The following LPP variants were observed in gnomAD, a reference collection of about 807,000 sequenced individuals.
The protein encoded by LPP is LIM domain containing preferred translocation partner in lipoma.
In LPP, 38 loss-of-function variants were observed where a neutral mutation model predicts 60.4. The ratio of observed to expected loss-of-function variants is 0.63; its 90% confidence interval spans 0.49 to 0.83. The LOEUF (loss-of-function observed/expected upper bound fraction) is 0.83, where lower values mean the gene tolerates loss of function less well. Ranked by LOEUF, LPP falls within the 40% of genes least tolerant of loss-of-function variation. The probability of loss-of-function intolerance (pLI) is 0.00; values close to 1 mark genes in which losing one functional copy is unlikely to be tolerated. For synonymous variants in LPP, 328 were observed against 290.8 expected, an observed-to-expected ratio of 1.13 and a Z score of -1.30; for missense variants, 902 against 783.6, an observed-to-expected ratio of 1.15 and a Z score of -1.80.
chr3:188,222,230 TAAAA>T (rs1484672166), intron 1 of LPP, among the ~76,000 whole-genome samples: 1 of 152,120 alleles, frequency 6.6e-6, no homozygotes, highest in African/African-American at 2.4e-5. Flanking sequence ...TTTCAAATGA[TAAAA>T]TAAATGAGTT....
chr3:188,454,081 A>T (rs746123945), intron 4 of LPP, among the ~76,000 whole-genome samples: 1 of 152,238 alleles, frequency 6.6e-6, no homozygotes. Context: ...TGGCTGTCAT[A>T]AAATTTCTGC....
intron 7 of LPP, among the ~76,000 whole-genome samples, chr3:188,636,748 C>T (rs111998970): frequency 6.6e-6 from 1 of 151,972 alleles, no homozygotes; most frequent in South Asian, 2.1e-4. Flanking sequence ...GGGTCCCTGA[C>T]CCCTGACCCC....
rs1843540951 is a variant in LPP, at chr3:188,610,767, C to T, written c.1113+923C>T. Among the ~76,000 whole-genome samples, 1 of 152,096 alleles carries T rather than the reference C, an allele frequency of 6.6e-6. No homozygotes were observed. The highest frequency in any genetic ancestry group is 1.5e-5 in the Non-Finnish European group (1 of 68,020). Reference sequence around the variant, plus strand: ...ACGATGTTGATTCCTCCCATTATGACTAGAGGAACCAATAAGAATAACTTG... The same window carrying T: ...ACGATGTTGATTCCTCCCATTATGATTAGAGGAACCAATAAGAATAACTTG... On this transcript the variant is annotated intron_variant, in intron 7 of 11. Coordinates refer to ENST00000617246, the MANE Select transcript of LPP (RefSeq NM_001375462.1). The surrounding 1 kb of genome is among the most constrained non-coding windows in gnomAD (Gnocchi z 4.4).
intron 9 of LPP, 87 bp from the exon 10 acceptor site, chr3:188,866,113 G>A: frequency 8.8e-7 from 1 of 1,134,162 alleles, no homozygotes. Flanking sequence ...ATAAGGACCT[G>A]AGACAATCTG....
chr3:188,344,995 G>T (rs1267718933), intron 3 of LPP, among the ~76,000 whole-genome samples: 2 of 152,194 alleles, frequency 1.3e-5, no homozygotes, highest in Non-Finnish European at 2.9e-5. Context: ...AGATCAGAAT[G>T]TCAAAGCCAG....
intron 1 of LPP, among the ~76,000 whole-genome samples, chr3:188,204,993 G>T (rs906540130): frequency 1.3e-5 from 2 of 152,132 alleles, no homozygotes; most frequent in South Asian, 4.1e-4. Context: ...TAAGTGCCAG[G>T]GAGGAAAGAA....
chr3:188,746,731 G>C, intron 8 of LPP: 1 of 302,762 alleles, frequency 3.3e-6, no homozygotes, highest in African/African-American at 2.2e-5. Flanking sequence ...CTAGTTATTA[G>C]GGATTTGGAT....
At chr3:188,565,188 C>G (rs1047225922) in intron 6 of LPP, among the ~76,000 whole-genome samples, 1 of 151,920 alleles carries the variant, frequency 6.6e-6, no homozygotes, top group Non-Finnish European at 1.5e-5. Flanking sequence ...TTACCTGTTA[C>G]AAAACTGTGG....
At chr3:188,872,873 C>T (rs1374892121) in intron 11 of LPP, 110 bp downstream of exon 11, 1 of 1,433,850 alleles carries the variant, frequency 7.0e-7, no homozygotes, top group Non-Finnish European at 9.4e-7. Flanking sequence ...GCCTTAGTGC[C>T]TGTACTCATA....
intron 9 of LPP, among the ~76,000 whole-genome samples, chr3:188,771,061 A>G (rs1735788633): frequency 6.6e-6 from 1 of 152,160 alleles, no homozygotes; most frequent in South Asian, 2.1e-4. Flanking sequence ...TATCTATTAT[A>G]ATATTGTTAG....
At chr3:188,210,404 C>T (rs909944363) in intron 1 of LPP, among the ~76,000 whole-genome samples, 1 of 152,078 alleles carries the variant, frequency 6.6e-6, no homozygotes, top group Admixed American at 6.5e-5. Context: ...CGGGGAGGAA[C>T]CAGATTTCAG....
chr3:188,295,720 G>C (rs1176341263), intron 2 of LPP, among the ~76,000 whole-genome samples: 1 of 152,138 alleles, frequency 6.6e-6, no homozygotes, highest in East Asian at 1.9e-4. Flanking sequence ...TTTCTGTAGA[G>C]ATGGGGTCTT....
chr3:188,386,275 C>A (rs933709412), intron 3 of LPP, among the ~76,000 whole-genome samples: 2 of 145,310 alleles, frequency 1.4e-5, no homozygotes, highest in Non-Finnish European at 3.0e-5. Context: ...CACACACACA[C>A]ACACACACAC....
chr3:188,293,927 G>GT (rs1746909323), intron 2 of LPP, among the ~76,000 whole-genome samples: 1 of 151,754 alleles, frequency 6.6e-6, no homozygotes, highest in Non-Finnish European at 1.5e-5. Flanking sequence ...TCAGTTGGGC[G>GT]TAGTAGTGTG....
At chr3:188,292,067 A>G (rs933573795) in intron 2 of LPP, among the ~76,000 whole-genome samples, 3 of 152,252 alleles carry the variant, frequency 2.0e-5, no homozygotes, top group African/African-American at 4.8e-5. Flanking sequence ...AAGTTTAAAC[A>G]GCAATGAGTC....
intron 9 of LPP, among the ~76,000 whole-genome samples, chr3:188,846,478 G>A (rs934557444): frequency 6.6e-6 from 1 of 152,030 alleles, no homozygotes; most frequent in East Asian, 1.9e-4. Flanking sequence ...GAGGTCAGGG[G>A]TTCAAGACCA....
At chr3:188,361,551 C>A (rs1769390314) in intron 3 of LPP, among the ~76,000 whole-genome samples, 1 of 120,102 alleles carries the variant, frequency 8.3e-6, no homozygotes, top group African/African-American at 3.1e-5. Context: ...CCTCCCCTCT[C>A]CTCTCCTCTC....
intron 2 of LPP, among the ~76,000 whole-genome samples, chr3:188,294,260 T>C (rs755858636): frequency 1.2e-4 from 18 of 152,104 alleles, no homozygotes; most frequent in Non-Finnish European, 2.2e-4. Flanking sequence ...AAATGCTCTT[T>C]ATATGGTGGT....
rs556265956 is a variant in LPP at position 188,513,121 on chromosome 3, CATGATCCTAGATGATCTT to C, written c.307-11540_307-11523del. The stretch of plus-strand genomic sequence containing the variant: ...TGCAAAGGATTCCTGGAAAAATATC[CATGATCCTAGATGATCTT>C]ATGGATATCTTTATAGGTATTTCAA... On this transcript the variant is annotated intron_variant, in intron 5 of 11. Transcript: ENST00000617246. Among the ~76,000 whole-genome samples the C allele has an allele frequency of 3.3e-5, 5 of 152,260 alleles. No homozygotes were observed. The South Asian group carries it at 1.0e-3, about 32-fold the overall frequency.
Sources: allele counts gnomAD v4.1 joint callset (sites outside exome capture counted in the v4.1 genomes callset), GRCh38; gene constraint gnomAD v4.1.1; non-coding constraint Gnocchi (gnomAD v3.1); transcripts MANE v1.5; gene names NCBI Gene and HGNC (gene_info 2026-07-23, HGNC 2026-07-21).